Variants in STOX2 observed in about 807,000 individuals in gnomAD.
STOX2 encodes the protein storkhead box 2, also known as storkhead-box protein 2.
In STOX2, 28 loss-of-function variants were observed where a neutral mutation model predicts 60.9. The observed-to-expected ratio is 0.46, with a 90% CI of 0.34 to 0.63. STOX2 has a LOEUF of 0.63. Among genes scored for constraint, STOX2 ranks in the 30% least tolerant of loss-of-function variants. The probability of loss-of-function intolerance (pLI) is 0.01; values close to 1 mark genes in which losing one functional copy is unlikely to be tolerated. For synonymous variants in STOX2, 472 were observed against 463.9 expected, an observed-to-expected ratio of 1.02 and a Z score of -0.22; for missense variants, 1,024 against 1,187.7, an observed-to-expected ratio of 0.86 and a Z score of 2.03.
At chr4:183,986,556 G>C (rs1560921331) in intron 1 of STOX2, among the ~76,000 whole-genome samples, 1 of 152,260 alleles carries the variant, frequency 6.6e-6, no homozygotes, top group Non-Finnish European at 1.5e-5. Context: ...CAATGGATCA[G>C]TAGATGAATA....
At chr4:183,994,330 A>G (rs1031319005) in intron 1 of STOX2, among the ~76,000 whole-genome samples, 1 of 152,250 alleles carries the variant, frequency 6.6e-6, no homozygotes, top group African/African-American at 2.4e-5. Context: ...TTGGCGGTGC[A>G]GAGAACAAAA....
intron 1 of STOX2, among the ~76,000 whole-genome samples, chr4:183,951,235 A>AAG (rs2111146270): frequency 6.6e-6 from 1 of 151,246 alleles, no homozygotes; most frequent in East Asian, 2.0e-4. Flanking sequence ...AAAAAAAAAA[A>AAG]AAAGACAGTA....
chr4:183,852,627 G>A (rs116446438), intron 1 of STOX2, among the ~76,000 whole-genome samples: 2 of 151,958 alleles, frequency 1.3e-5, no homozygotes, highest in African/African-American at 2.4e-5. Flanking sequence ...TAGGTTGAAC[G>A]ATCTGACCAC....
chr4:183,980,642 A>G (rs1483802314), intron 1 of STOX2, among the ~76,000 whole-genome samples: 1 of 151,494 alleles, frequency 6.6e-6, no homozygotes, highest in Non-Finnish European at 1.5e-5. Context: ...GTATTTCTTT[A>G]CTTTACACTC....
rs1420106352 is a variant in STOX2, at chr4:184,010,473, C to T, written c.1635C>T (p.His545=). ...AGACCGTTAGTCTCCAAAGGGCTCA[C>T]ATTTCGTCCACAAGCTATAAAGAGG... ...PAQTVSLQRA[H]ISSTSYKEVC... Residue 545 remains histidine, a synonymous_variant, in exon 3 of 4, where the codon CAC becomes CAT. Coordinates refer to ENST00000308497, the MANE Select transcript of STOX2 (RefSeq NM_020225.3). The surrounding 1 kb of genome is among the most constrained non-coding windows in gnomAD (Gnocchi z 4.5). The T allele has an allele frequency of 1.2e-6, 2 of 1,613,866 alleles. No homozygotes were observed. The highest frequency in any genetic ancestry group is 8.5e-7 in the Non-Finnish European group (1 of 1,179,840).
At chr4:183,901,592 T>G (rs1001362642), upstream of STOX2, among the ~76,000 whole-genome samples, 3 of 138,046 alleles carry the variant, frequency 2.2e-5, no homozygotes, top group Non-Finnish European at 3.1e-5. Flanking sequence ...TTCTGGTTTT[T>G]GGGTATTTTT....
At chr4:183,867,004 A>G (rs115858840) in intron 1 of STOX2, among the ~76,000 whole-genome samples, 1,549 of 152,294 alleles carry the variant, frequency 0.01, 28 homozygotes, top group African/African-American at 0.036. Flanking sequence ...GAAAAAGGTC[A>G]TCTCTTGTTT....
At chr4:183,918,813 C>T (rs1742006564) in intron 1 of STOX2, among the ~76,000 whole-genome samples, 1 of 152,210 alleles carries the variant, frequency 6.6e-6, no homozygotes, top group Non-Finnish European at 1.5e-5. Flanking sequence ...GTTTGGCAGC[C>T]AGGCCTGGGG....
intron 1 of STOX2, among the ~76,000 whole-genome samples, chr4:183,874,952 AATATATATATATAT>A (rs759209967): frequency 0.013 from 598 of 44,580 alleles, 22 homozygotes; most frequent in African/African-American, 0.051. Flanking sequence ...AAAAAAAAAA[AATATATATATATAT>A]ATATATATAT....
At chr4:183,869,584 A>G (rs1740643146) in intron 1 of STOX2, among the ~76,000 whole-genome samples, 1 of 152,132 alleles carries the variant, frequency 6.6e-6, no homozygotes, top group South Asian at 2.1e-4. Flanking sequence ...ATTAGACCCA[A>G]CTCTCAGAAT....
At chr4:183,967,117 C>T (rs1337630362) in intron 1 of STOX2, among the ~76,000 whole-genome samples, 4 of 152,040 alleles carry the variant, frequency 2.6e-5, no homozygotes, top group Non-Finnish European at 4.4e-5. Flanking sequence ...AATCCCAGCA[C>T]TTTGGGAGGC....
intron 1 of STOX2, among the ~76,000 whole-genome samples, chr4:183,862,202 G>A (rs539447956): frequency 2.6e-5 from 4 of 152,276 alleles, no homozygotes; most frequent in African/African-American, 9.6e-5. Context: ...TTGAGACAGA[G>A]TCTCACTCTG....
At chr4:183,969,733 C>T (rs769463101) in intron 1 of STOX2, among the ~76,000 whole-genome samples, 3 of 152,164 alleles carry the variant, frequency 2.0e-5, no homozygotes, top group African/African-American at 7.2e-5. Flanking sequence ...CATCCCTCCA[C>T]CTCAGCCTCC....
At chr4:183,908,249 T>C (rs1043199519) in intron 1 of STOX2, among the ~76,000 whole-genome samples, 6 of 152,226 alleles carry the variant, frequency 3.9e-5, no homozygotes, top group African/African-American at 1.4e-4. Flanking sequence ...GTAAAGAAAG[T>C]GACAACTACA....
chr4:183,831,933 C>G (rs1739577480), intron 1 of STOX2, among the ~76,000 whole-genome samples: 1 of 151,948 alleles, frequency 6.6e-6, no homozygotes, highest in Non-Finnish European at 1.5e-5. Context: ...CTTCTCGGCC[C>G]CTCCCTGAAG....
rs371935971 is a variant in STOX2 at position 184,010,970 on chromosome 4, T to C, written c.2132T>C (p.Leu711Ser). The C allele has an allele frequency of 6.2e-7, 1 of 1,613,394 alleles. No homozygotes were observed. Among genetic ancestry groups the C allele is most frequent in the African/African-American group, 1.3e-5 (1 of 74,936 alleles). Residue 711 changes from leucine to serine, a missense_variant, in exon 3 of 4, where the codon TTG becomes TCG. Around this residue, in one of 3 missense-constraint regions of STOX2, gnomAD observed 922 missense variants for 1,058.3 expected, o/e 0.87. Coordinates refer to ENST00000308497, the MANE Select transcript of STOX2 (RefSeq NM_020225.3). This position sits in a 1 kb window ranked among gnomAD's most constrained non-coding sequence, Gnocchi z 4.5. ...CTGTTCAAACCTCTTCACAGCACCT[T>C]GTCTGTAAACAGCTATCACAAGTCG... ...DTLFKPLHST[L>S]SVNSYHKSSL...
intron 1 of STOX2, among the ~76,000 whole-genome samples, chr4:183,858,139 G>C (rs1299229281): frequency 1.3e-5 from 2 of 152,140 alleles, no homozygotes; most frequent in Non-Finnish European, 2.9e-5. Flanking sequence ...GGGGCACCAT[G>C]CCTGACCTCA....
chr4:183,827,672 C>T (rs1164214020), intron 1 of STOX2, among the ~76,000 whole-genome samples: 2 of 151,954 alleles, frequency 1.3e-5, no homozygotes, highest in Non-Finnish European at 2.9e-5. Context: ...GTAAATACAA[C>T]ACATTAGCAA....
chr4:183,947,325 C>G (rs1742924835), intron 1 of STOX2, among the ~76,000 whole-genome samples: 1 of 152,022 alleles, frequency 6.6e-6, no homozygotes, highest in South Asian at 2.1e-4. Context: ...CGTTGGTTGG[C>G]TGGATATGGA....
Sources: allele counts gnomAD v4.1 joint callset (sites outside exome capture counted in the v4.1 genomes callset), GRCh38; gene constraint gnomAD v4.1.1; regional missense constraint gnomAD v4.1.1; non-coding constraint Gnocchi (gnomAD v3.1); transcripts MANE v1.5; gene names NCBI Gene and HGNC (gene_info 2026-07-23, HGNC 2026-07-21).